DGKB: variants seen among roughly 807,000 people sequenced by gnomAD.
The protein encoded by DGKB is 90 kDa diacylglycerol kinase.
In DGKB, 67 loss-of-function variants were observed where a neutral mutation model predicts 114.3. The observed-to-expected ratio is 0.59, with a 90% CI of 0.48 to 0.72. DGKB has a LOEUF of 0.72. Among genes scored for constraint, DGKB ranks in the 30% least tolerant of loss-of-function variants. The probability of loss-of-function intolerance (pLI) is 0.00; values close to 1 mark genes in which losing one functional copy is unlikely to be tolerated. For missense variants in DGKB, 907 were observed against 975.2 expected (o/e 0.93, Z 0.93); for synonymous variants, 398 against 323.1 (o/e 1.23, Z -2.49).
intron 2 of DGKB, among the ~76,000 whole-genome samples, chr7:14,799,152 T>C (rs987719308): frequency 6.6e-6 from 1 of 152,216 alleles, no homozygotes; most frequent in African/African-American, 2.4e-5. Context: ...GTGGTTTTAA[T>C]GCTTGAGCAA....
chr7:14,213,636 G>A (rs1427541941), intron 23 of DGKB, among the ~76,000 whole-genome samples: 1 of 152,090 alleles, frequency 6.6e-6, no homozygotes, highest in Non-Finnish European at 1.5e-5. Flanking sequence ...GTGTTACCTG[G>A]CCCCCTTAGT....
intron 21 of DGKB, among the ~76,000 whole-genome samples, chr7:14,439,571 A>T (rs1829765939): frequency 6.6e-6 from 1 of 152,012 alleles, no homozygotes. Flanking sequence ...TAGGTCTCTA[A>T]AACATAAACA....
At chr7:14,573,092 GA>G (rs1798629990) in intron 20 of DGKB, among the ~76,000 whole-genome samples, 1 of 152,130 alleles carries the variant, frequency 6.6e-6, no homozygotes, top group Non-Finnish European at 1.5e-5. Flanking sequence ...CACTTACAAT[GA>G]ATGAATTAGG....
At chr7:14,373,053 T>C (rs1336198645) in intron 21 of DGKB, among the ~76,000 whole-genome samples, 1 of 152,210 alleles carries the variant, frequency 6.6e-6, no homozygotes, top group African/African-American at 2.4e-5. Context: ...AAGTCTGGAA[T>C]AGTTAATTGC....
At chr7:14,437,894 C>T (rs1200355728) in intron 21 of DGKB, among the ~76,000 whole-genome samples, 2 of 150,938 alleles carry the variant, frequency 1.3e-5, no homozygotes, top group African/African-American at 2.4e-5. Flanking sequence ...CTGAAAAACA[C>T]GTCAAAGAAA....
intron 23 of DGKB, among the ~76,000 whole-genome samples, chr7:14,273,796 T>C (rs900851722): frequency 6.6e-6 from 1 of 152,192 alleles, no homozygotes; most frequent in African/African-American, 2.4e-5. Context: ...GTTCATTCTT[T>C]GTGTAATTTA....
At chr7:14,393,000 T>TGTTTTTTTTTTTTTTTTTTTG (rs201187366) in intron 21 of DGKB, among the ~76,000 whole-genome samples, 1 of 71,648 alleles carries the variant, frequency 1.4e-5, no homozygotes, top group Admixed American at 1.3e-4. Context: ...TTTTTGTTTT[T>TGTTTTTTTTTTTTTTTTTTTG]TTTTTTTTGA....
chr7:14,868,460 G>C (rs528120999), intron 1 of DGKB, among the ~76,000 whole-genome samples: 48 of 151,780 alleles, frequency 3.2e-4, no homozygotes, highest in African/African-American at 1.1e-3. Flanking sequence ...CCAGCCTCCT[G>C]AGTAGCTGGG....
chr7:14,567,617 T>C (rs1563537187), intron 20 of DGKB, among the ~76,000 whole-genome samples: 3 of 123,048 alleles, frequency 2.4e-5, no homozygotes, highest in African/African-American at 6.7e-5. Flanking sequence ...ATATATATCT[T>C]TTTTATTGAG....
chr7:14,188,659 C>CAA (rs35808078), intron 23 of DGKB, among the ~76,000 whole-genome samples: 997 of 34,048 alleles, frequency 0.029, 89 homozygotes, highest in African/African-American at 0.037. Context: ...GACTCCGTCT[C>CAA]AAAAAAAAAA....
chr7:14,862,296 T>A (rs529127505), intron 1 of DGKB, among the ~76,000 whole-genome samples: 1 of 152,160 alleles, frequency 6.6e-6, no homozygotes, highest in African/African-American at 2.4e-5. Context: ...TGTATGTATG[T>A]GTATGTACAT....
chr7:14,956,847 C>T (rs768817491), intron 1 of DGKB, among the ~76,000 whole-genome samples: 65 of 149,518 alleles, frequency 4.3e-4, no homozygotes, highest in Non-Finnish European at 7.8e-4. Context: ...AGGGAAAAGT[C>T]GTTTCAATTT....
intron 25 of DGKB, among the ~76,000 whole-genome samples, chr7:14,165,025 A>G (rs1784421555): frequency 6.6e-6 from 1 of 152,118 alleles, no homozygotes; most frequent in Non-Finnish European, 1.5e-5. Flanking sequence ...TAAAAAAGCA[A>G]AGACAAGACC....
At position 14,493,925 on chromosome 7, in the gene DGKB, T is replaced by TACACACACAC. The variant is rs372780599; in HGVS notation, c.1771-15710_1771-15701dup. On this transcript the variant is annotated intron_variant, in intron 20 of 25. Coordinates refer to ENST00000402815, the MANE Select transcript of DGKB (RefSeq NM_001350709.2). Reference sequence around the variant, plus strand: ...AAATACCATGGCTATCATGGTATCATACACACACACACACACACACACACA... The same window carrying TACACACACAC: ...AAATACCATGGCTATCATGGTATCATACACACACACACACACACACACACACACACACACA... 4.4e-3 allele frequency among the ~76,000 whole-genome samples: 601 copies of TACACACACAC among 137,700 alleles called. 12 individuals are homozygous for TACACACACAC. The East Asian group carries it at 0.057, about 13-fold the overall frequency. The allele number at this position is 137,700 out of a possible 152,430, so 90.3% of individuals were successfully genotyped here.
intron 21 of DGKB, among the ~76,000 whole-genome samples, chr7:14,397,518 A>G (rs1217129970): frequency 6.6e-6 from 1 of 152,002 alleles, no homozygotes; most frequent in African/African-American, 2.4e-5. Context: ...AGAGTCTAGA[A>G]CTGCTGTGTC....
intron 21 of DGKB, among the ~76,000 whole-genome samples, chr7:14,415,690 T>C (rs1825618126): frequency 6.6e-6 from 1 of 152,178 alleles, no homozygotes; most frequent in South Asian, 2.1e-4. Context: ...TTTGGGTTGG[T>C]TCCAAGTCTT....
intron 21 of DGKB, among the ~76,000 whole-genome samples, chr7:14,356,382 G>C (rs1312897833): frequency 2.7e-5 from 2 of 74,294 alleles, no homozygotes; most frequent in African/African-American, 1.0e-4. Flanking sequence ...TTTTTTTTGA[G>C]ACGGAGTCTC....
chr7:14,518,931 C>G (rs1177088820), intron 20 of DGKB, among the ~76,000 whole-genome samples: 1 of 152,026 alleles, frequency 6.6e-6, no homozygotes, highest in Non-Finnish European at 1.5e-5. Flanking sequence ...ATTTGCATTT[C>G]CAAGTTCCCA....
chr7:14,701,199 A>G (rs1284979996), intron 7 of DGKB, among the ~76,000 whole-genome samples: 1 of 152,208 alleles, frequency 6.6e-6, no homozygotes, highest in African/African-American at 2.4e-5. Flanking sequence ...AGCAATCTGT[A>G]AATACATTTA....
Sources: gnomAD v4.1 joint callset for allele counts (sites outside exome capture counted in the v4.1 genomes callset) on GRCh38, gnomAD v4.1.1 for gene constraint, MANE v1.5 for transcripts, NCBI Gene and HGNC (gene_info 2026-07-23, HGNC 2026-07-21) for gene names.